Variants in COL23A1 observed in about 807,000 individuals in gnomAD.
COL23A1 encodes the protein collagen alpha-1(XXIII) chain.
COL23A1 carries 97 observed loss-of-function variants against 99.3 expected under a neutral mutation model. The observed-to-expected ratio is 0.98, with a 90% CI of 0.83 to 1.16. The LOEUF (loss-of-function observed/expected upper bound fraction) is 1.16. COL23A1 is among the 50% of genes most tolerant of loss of function. The probability of loss-of-function intolerance (pLI) is 0.00; values close to 1 mark genes in which losing one functional copy is unlikely to be tolerated. For synonymous variants in COL23A1, 320 were observed against 308.2 expected (o/e 1.04, Z -0.40); for missense variants, 762 against 757.4 (o/e 1.01, Z -0.07).
At chr5:178,293,009 G>A (rs887909819) in intron 3 of COL23A1, among the ~76,000 whole-genome samples, 4 of 152,100 alleles carry the variant, frequency 2.6e-5, no homozygotes, top group African/African-American at 7.2e-5. Context: ...GGCATGTCCA[G>A]GGAGTGACAG....
chr5:178,569,865 A>G (rs1763003487), intron 1 of COL23A1, among the ~76,000 whole-genome samples: 1 of 152,148 alleles, frequency 6.6e-6, no homozygotes, highest in Non-Finnish European at 1.5e-5. Flanking sequence ...CCCTGACTTC[A>G]GGAGGGTCCT....
chr5:178,554,398 C>T (rs1370897500), intron 2 of COL23A1, among the ~76,000 whole-genome samples: 2 of 152,100 alleles, frequency 1.3e-5, no homozygotes, highest in South Asian at 2.1e-4. Flanking sequence ...AGGCTGCTCT[C>T]GAACTCCTGA....
intron 2 of COL23A1, among the ~76,000 whole-genome samples, chr5:178,396,776 G>A (rs1407726374): frequency 6.0e-5 from 6 of 99,236 alleles, no homozygotes; most frequent in Non-Finnish European, 1.1e-4. Flanking sequence ...GCGGGCAGGC[G>A]CTCTGGGCAT....
intron 2 of COL23A1, among the ~76,000 whole-genome samples, chr5:178,409,673 T>C (rs1038971927): frequency 6.6e-6 from 1 of 152,166 alleles, no homozygotes; most frequent in Non-Finnish European, 1.5e-5. Flanking sequence ...AAGGTAAAAT[T>C]TTAAAAAGCC....
Position 178,281,521 on chromosome 5 carries a change from T to C in COL23A1, c.441+6803A>G, listed in dbSNP as rs530017782. ...CCGCTCCCTCGACTCCAGAGGGGCT[T>C]GGGCACGGCGCTCCGGGGCCCAGGA... On this transcript the variant is annotated intron_variant, in intron 5 of 28. Coordinates refer to ENST00000390654, the MANE Select transcript of COL23A1 (RefSeq NM_173465.4). This position sits in a 1 kb window ranked among gnomAD's most constrained non-coding sequence, Gnocchi z 4.0. Among the ~76,000 whole-genome samples, 1 of 152,190 alleles carries C rather than the reference T, an allele frequency of 6.6e-6. No individual in the cohort carries two copies. Among genetic ancestry groups the C allele is most frequent in the African/African-American group, 2.4e-5 (1 of 41,546 alleles).
At chr5:178,266,373 G>A (rs1755901202) in intron 8 of COL23A1, among the ~76,000 whole-genome samples, 1 of 152,052 alleles carries the variant, frequency 6.6e-6, no homozygotes, top group Non-Finnish European at 1.5e-5. Flanking sequence ...GTGCATGTGT[G>A]TGTGTGCGCA....
In COL23A1 at chr5:178,247,830, G is replaced by A. The variant is rs1217711735; in HGVS notation, c.1214C>T (p.Ala405Val). Residue 405 changes from alanine (A) to valine (V), a missense_variant and splice_region_variant, in exon 21 of 29, where the codon GCT (alanine) becomes GTT (valine). Coordinates refer to ENST00000390654, the MANE Select transcript of COL23A1 (RefSeq NM_173465.4). ...SASDSLQESLAQLIVEPGPPG... is the reference protein window; with the variant it reads ...SASDSLQESLVQLIVEPGPPG... ...GGGCCCTGGCTCCACTATGAGCTGA[G>A]CCTAGGGAGGGTGAGAGACAGGTTA... 6.2e-7 allele frequency: 1 copy of A among 1,611,860 alleles called. No individual in the cohort carries two copies.
At chr5:178,565,753 C>T (rs569193068) in intron 1 of COL23A1, among the ~76,000 whole-genome samples, 5 of 152,130 alleles carry the variant, frequency 3.3e-5, no homozygotes, top group African/African-American at 1.2e-4. Context: ...ATCCTGGTAG[C>T]AACTGACATG....
chr5:178,423,468 C>G (rs965447697), intron 2 of COL23A1, among the ~76,000 whole-genome samples: 1 of 152,142 alleles, frequency 6.6e-6, no homozygotes, highest in Admixed American at 6.5e-5. Context: ...TTATGAGATA[C>G]GCTTTGTGCC....
intron 2 of COL23A1, among the ~76,000 whole-genome samples, chr5:178,516,527 C>T (rs1238361026): frequency 1.3e-5 from 2 of 152,200 alleles, no homozygotes; most frequent in Non-Finnish European, 2.9e-5. Context: ...CCTGACCTGT[C>T]CCCTCCCCAG....
At chr5:178,268,131 A>T (rs1382037276) in intron 7 of COL23A1, among the ~76,000 whole-genome samples, 26 of 152,090 alleles carry the variant, frequency 1.7e-4, no homozygotes, top group Admixed American at 1.7e-3. Context: ...CCCATTTCCA[A>T]ATTCTGGGTC....
chr5:178,465,199 CAG>C, intron 2 of COL23A1, among the ~76,000 whole-genome samples: 1 of 152,190 alleles, frequency 6.6e-6, no homozygotes, highest in South Asian at 2.1e-4. Context: ...CATCAGAAAA[CAG>C]GGGTCGGCCT....
At chr5:178,478,623 AC>A (rs910304829) in intron 2 of COL23A1, among the ~76,000 whole-genome samples, 1 of 152,088 alleles carries the variant, frequency 6.6e-6, no homozygotes, top group Non-Finnish European at 1.5e-5. Flanking sequence ...GTGCCTGCCA[AC>A]CCCTCCCTTC....
chr5:178,432,004 G>T (rs2127820270), intron 2 of COL23A1, among the ~76,000 whole-genome samples: 1 of 152,314 alleles, frequency 6.6e-6, no homozygotes, highest in Admixed American at 6.5e-5. Context: ...CATGAGAAAT[G>T]ATTTACCAGT....
chr5:178,576,834 G>C (rs1292427079), intron 1 of COL23A1, among the ~76,000 whole-genome samples: 7 of 151,876 alleles, frequency 4.6e-5, no homozygotes, highest in Non-Finnish European at 7.4e-5. Flanking sequence ...CGGGCCTCTC[G>C]GGCAGCGCCG....
chr5:178,256,740 C>T (rs1470325123), intron 14 of COL23A1, 126 bp downstream of exon 14: 2 of 912,718 alleles, frequency 2.2e-6, no homozygotes, highest in African/African-American at 1.7e-5. Flanking sequence ...CTGAGGGAGA[C>T]CCCTGGGTCA....
chr5:178,546,491 G>A (rs1428071567), intron 2 of COL23A1, among the ~76,000 whole-genome samples: 1 of 152,184 alleles, frequency 6.6e-6, no homozygotes, highest in Non-Finnish European at 1.5e-5. Context: ...CTCCCAGGAT[G>A]AGGGTGCAGA....
intron 1 of COL23A1, among the ~76,000 whole-genome samples, chr5:178,565,795 A>G (rs1401080117): frequency 6.6e-6 from 1 of 151,870 alleles, no homozygotes; most frequent in Non-Finnish European, 1.5e-5. Context: ...CTCTCAAGTA[A>G]TGTTCCTATC....
chr5:178,325,605 G>A (rs1487020472), intron 2 of COL23A1, among the ~76,000 whole-genome samples: 1 of 152,028 alleles, frequency 6.6e-6, no homozygotes, highest in East Asian at 1.9e-4. Context: ...ACTTGCTACA[G>A]TGATTACTTA....
Sources: gnomAD v4.1 joint callset for allele counts (sites outside exome capture counted in the v4.1 genomes callset) on GRCh38, gnomAD v4.1.1 for gene constraint, Gnocchi (gnomAD v3.1) non-coding constraint, MANE v1.5 for transcripts, NCBI Gene and HGNC (gene_info 2026-07-23, HGNC 2026-07-21) for gene names.